GCM2: variants seen among roughly 807,000 people sequenced by gnomAD.
The protein encoded by GCM2 is GCM transcription factor 2.
Under a neutral mutation model 24.8 loss-of-function variants are expected in GCM2, and 21 were observed. The ratio of observed to expected loss-of-function variants is 0.85; its 90% CI spans 0.60 to 1.22. GCM2 has a LOEUF of 1.22. Among genes scored for constraint, GCM2 ranks in the 50% most tolerant of loss-of-function variants. The probability of loss-of-function intolerance (pLI) is 0.00; values close to 1 mark genes in which losing one functional copy is unlikely to be tolerated. For synonymous variants in GCM2, 222 were observed against 238.0 expected, an observed-to-expected ratio of 0.93 and a Z score of 0.62; for missense variants, 532 against 645.6, an observed-to-expected ratio of 0.82 and a Z score of 1.91.
rs1441979420 is a variant in GCM2, at chr6:10,876,090, A to G, written c.457-74T>C. On this transcript the variant is annotated intron_variant, in intron 3 of 4. Transcript: ENST00000379491. ...TGACAATGTTGCCCAAAAATTGATC[A>G]TGCCTTTCCCAACATCTCAAGAGTT... The G allele has an allele frequency of 4.1e-6, 6 of 1,466,216 alleles. No individual in the cohort carries two copies. In the Admixed American group the frequency reaches 1.0e-4, roughly 25 times the overall value. The allele number at this position is 1,466,216 out of a possible 1,614,324, so 90.8% of individuals were successfully genotyped here. A position where few individuals can be genotyped will look rare whatever the true frequency, so the allele number is the denominator to read the frequency against.
chr6:10,875,859 G>A, intron 4 of GCM2, 32 bp downstream of exon 4: 2 of 1,610,736 alleles, frequency 1.2e-6, no homozygotes, highest in South Asian at 1.1e-5. Flanking sequence ...AAAATGAGCT[G>A]AGACCACTGT....
At chr6:10,876,702 G>A (rs1353351089) in intron 2 of GCM2, 145 bp from the exon 3 acceptor site, 1 of 686,834 alleles carries the variant, frequency 1.5e-6, no homozygotes, top group Non-Finnish European at 2.6e-6. Context: ...GGCCGAGGCG[G>A]GTGGATCACT....
intron 1 of GCM2, among the ~76,000 whole-genome samples, chr6:10,879,401 T>A (rs991023497): frequency 6.6e-6 from 1 of 152,152 alleles, no homozygotes; most frequent in African/African-American, 2.4e-5. Flanking sequence ...ATTGTATTTT[T>A]AAAATCAGTA....
At position 10,882,019 on chromosome 6, in the gene GCM2, T is replaced by G. The variant is rs2113257858; in HGVS notation, c.-226A>C. 1 of 558,454 alleles carries G rather than the reference T, an allele frequency of 1.8e-6. No homozygotes were observed. The highest frequency in any genetic ancestry group is 3.2e-6 in the Non-Finnish European group (1 of 311,416). The allele number at this position is 558,454 out of a possible 1,614,324, so 34.6% of individuals were successfully genotyped here. ...TTGTCCTTGGCCGCGGTGCTGAACG[T>G]TCTCCACCCGAACGGCAGCATCGAC... is the stretch of plus-strand genomic sequence containing the variant. On this transcript the variant is annotated 5_prime_UTR_variant, in exon 1 of 5. Coordinates refer to ENST00000379491, the MANE Select transcript of GCM2 (RefSeq NM_004752.4).
chr6:10,874,622 GA>G lies in GCM2; in HGVS notation c.893del (p.Ile298ThrfsTer10), dbSNP rs886037646. The G allele has an allele frequency of 2.5e-6, 4 of 1,614,128 alleles. No homozygotes were observed. In the South Asian group the frequency reaches 4.4e-5, roughly 18 times the overall value. On this transcript the variant is annotated frameshift_variant, in exon 5 of 5. Coordinates refer to ENST00000379491, the MANE Select transcript of GCM2 (RefSeq NM_004752.4). LOFTEE classifies it low-confidence loss of function (END_TRUNC). ...YPTLYKDSTS[I>X]PNDTDWVHLN... is the part of the protein sequence containing the mutation. ...GATGAACCCAGTCTGTGTCATTAGG[GA>G]TACTGGTGGAATCCTTATAAAGGGT...
chr6:10,880,434 G>A (rs1207011816), intron 1 of GCM2, among the ~76,000 whole-genome samples: 6 of 152,020 alleles, frequency 3.9e-5, no homozygotes, highest in African/African-American at 1.2e-4. Context: ...TTTTAGTTGC[G>A]GACAAAATGA....
rs1581804451 is a variant in GCM2, at chr6:10,874,048, T to C, written c.1468A>G (p.Ser490Gly). The C allele has an allele frequency of 1.2e-6, 2 of 1,614,226 alleles. No individual in the cohort carries two copies. The highest frequency in any genetic ancestry group is 1.7e-6 in the Non-Finnish European group (2 of 1,180,048). Residue 490 changes from serine (S) to glycine (G), a missense_variant, in exon 5 of 5, where the codon AGT becomes GGT. Physicochemically the swap from Ser to Gly is moderately conservative, Grantham distance 56. This residue lies in a region of GCM2 where 434 missense variants were observed against 521.9 expected (regional missense o/e 0.83). Coordinates refer to ENST00000379491, the MANE Select transcript of GCM2 (RefSeq NM_004752.4). ...AAGGGACCCACTCTGTCTGAGTAAC[T>C]GACTGCGGAGCCCAGCCCAGACAGA... ...VCLSGLGSAV[S>G]YSDRVGPFFT...
At position 10,877,154 on chromosome 6, in the gene GCM2, C is replaced by T. The variant is rs1779894463; in HGVS notation, c.329G>A (p.Arg110Gln). ...QLRPAICDKA[R>Q]LKQQKKACPN... ...CATGTCCTCACTCTGCTGTTTCAGC[C>T]GTGCCTTGTCGCAGATGGCCGGCCT... is the stretch of plus-strand genomic sequence containing the variant. Residue 110 changes from arginine (R) to glutamine (Q), a missense_variant, in exon 2 of 5, where the codon CGG (arginine) becomes CAG (glutamine). Arg to Gln is a conservative substitution (Grantham distance 43). Transcript: ENST00000379491. 1.9e-6 allele frequency: 3 copies of T among 1,612,362 alleles called. No homozygotes were observed. Among genetic ancestry groups the T allele is most frequent in the African/African-American group, 2.7e-5 (2 of 74,928 alleles).
chr6:10,876,072 G>C, intron 3 of GCM2, 56 bp from the exon 4 acceptor site: 3 of 1,596,864 alleles, frequency 1.9e-6, no homozygotes, highest in Non-Finnish European at 2.6e-6. Flanking sequence ...AGCTGACAAT[G>C]TTGCCCAAAA....
intron 3 of GCM2, among the ~76,000 whole-genome samples, 194 bp downstream of exon 3, chr6:10,876,251 G>A (rs938967077): frequency 1.1e-4 from 17 of 152,182 alleles, no homozygotes; most frequent in African/African-American, 3.9e-4. Flanking sequence ...TACCATCTGT[G>A]TACCTTAAAG....
Position 10,874,104 on chromosome 6 carries a change from C to T in GCM2, c.1412G>A (p.Arg471Lys), listed in dbSNP as rs1779840566. The change falls in exon 5 of 5, where the codon AGG becomes AAG. Residue 471 changes from arginine to lysine, a missense_variant. Physicochemically the swap from Arg to Lys is conservative, Grantham distance 26. Transcript: ENST00000379491. ...VAIPHEPVSS[R>K]TDEAETWDVC... Reference sequence around the variant, plus strand: ...ATCCCAAGTCTCTGCTTCATCTGTCCTAGAGGAAACTGGCTCGTGGGGAAT... The same window carrying T: ...ATCCCAAGTCTCTGCTTCATCTGTCTTAGAGGAAACTGGCTCGTGGGGAAT... The T allele has an allele frequency of 3.1e-6, 5 of 1,614,202 alleles. No homozygotes were observed. The highest frequency in any genetic ancestry group is 4.2e-6 in the Non-Finnish European group (5 of 1,180,034).
In GCM2 at chr6:10,873,755, C is replaced by T. The variant is rs111930987; in HGVS notation, c.*240G>A. The stretch of plus-strand genomic sequence containing the variant: ...TTTGCTTATTTGTTCATTTGAGAGA[C>T]TCACACTTTCCTCACTACTTCTATG... On this transcript the variant is annotated 3_prime_UTR_variant, in exon 5 of 5. Coordinates refer to ENST00000379491, the MANE Select transcript of GCM2 (RefSeq NM_004752.4). 178 of 557,508 alleles carry T rather than the reference C, an allele frequency of 3.2e-4. 2 individuals are homozygous for T. Among genetic ancestry groups the T allele is most frequent in the African/African-American group, 2.8e-3 (148 of 53,244 alleles). The allele number at this position is 557,508 out of a possible 1,614,324, so 34.5% of individuals were successfully genotyped here.
chr6:10,876,668 G>A (rs1334720298), intron 2 of GCM2, 111 bp from the exon 3 acceptor site: 13 of 769,506 alleles, frequency 1.7e-5, no homozygotes, highest in Middle Eastern at 3.2e-4. Context: ...GGTGGCTCAC[G>A]CCTGTAATCC....
chr6:10,880,530 C>A (rs1472920156), intron 1 of GCM2, among the ~76,000 whole-genome samples: 1 of 152,066 alleles, frequency 6.6e-6, no homozygotes, highest in Admixed American at 6.6e-5. Flanking sequence ...CTACACCCCC[C>A]ACCCCCTACA....
At position 10,881,917 on chromosome 6, in the gene GCM2, GC is replaced by G; in HGVS notation, c.-125del. 1 of 750,740 alleles carries G rather than the reference GC, an allele frequency of 1.3e-6. No homozygotes were observed. Among genetic ancestry groups the G allele is most frequent in the Non-Finnish European group, 2.3e-6 (1 of 432,026 alleles). 46.5% of individuals were successfully genotyped at this position (750,740 alleles called of 1,614,324 possible). On this transcript the variant is annotated 5_prime_UTR_variant, in exon 1 of 5. Transcript: ENST00000379491. Reference sequence around the variant, plus strand: ...AAAGTGGGGTGTGTGAAGGGGAGGTGCAGAGAGAGAGAAAGAGAGAGAGGCT... The same window carrying G: ...AAAGTGGGGTGTGTGAAGGGGAGGTGAGAGAGAGAGAAAGAGAGAGAGGCT...
In GCM2 at chr6:10,881,754, A is replaced by C. The variant is rs555304152; in HGVS notation, c.40T>G (p.Ser14Ala). 8.1e-6 allele frequency: 13 copies of C among 1,610,840 alleles called. No individual in the cohort carries two copies. Among genetic ancestry groups the C allele is most frequent in the African/African-American group, 5.3e-5 (4 of 74,982 alleles). ...AAVQEAVGVCSYGMQLSWDIN... is the reference protein window; with the variant it reads ...AAVQEAVGVCAYGMQLSWDIN... ...TCCCAGCTGAGCTGCATCCCGTAGG[A>C]GCACACGCCGACCGCTTCCTGCACC... Residue 14 changes from serine to alanine, a missense_variant, in exon 1 of 5, where the codon TCC becomes GCC. Around this residue, in one of 3 missense-constraint regions of GCM2, gnomAD observed 96 missense variants for 103.5 expected, o/e 0.93. Coordinates refer to ENST00000379491, the MANE Select transcript of GCM2 (RefSeq NM_004752.4).
In GCM2 at chr6:10,875,935, C is replaced by G. The variant is rs764350738; in HGVS notation, c.538G>C (p.Ala180Pro). ...ARRSAIKRQM[A>P]SFYQPQKKRI... ...TTTTTCTGGGGTTGGTAGAAAGAGG[C>G]CATTTGTCTCTTGATGGCGCTTCTT... is the stretch of plus-strand genomic sequence containing the variant. Residue 180 changes from alanine to proline, a missense_variant, in exon 4 of 5, where the codon GCC becomes CCC. Ala to Pro is a conservative substitution (Grantham distance 27). Coordinates refer to ENST00000379491, the MANE Select transcript of GCM2 (RefSeq NM_004752.4). 2 of 1,613,680 alleles carry G rather than the reference C, an allele frequency of 1.2e-6. No homozygotes were observed. The highest frequency in any genetic ancestry group is 2.7e-5 in the African/African-American group (2 of 74,892).
chr6:10,881,930 AAG>A lies in GCM2; in HGVS notation c.-139_-138del, dbSNP rs912635989. The A allele has an allele frequency of 2.2e-5, 16 of 721,124 alleles. No homozygotes were observed. In the African/African-American group the frequency reaches 2.8e-4, roughly 13 times the overall value. The allele number at this position is 721,124 out of a possible 1,614,324, so 44.7% of individuals were successfully genotyped here. ...TGAAGGGGAGGTGCAGAGAGAGAGAAAGAGAGAGAGGCTGTTTAGATATCTGG... is the reference window on the plus strand; with the variant it reads ...TGAAGGGGAGGTGCAGAGAGAGAGAAAGAGAGAGGCTGTTTAGATATCTGG... On this transcript the variant is annotated 5_prime_UTR_variant, in exon 1 of 5. The change creates a premature stop within an existing upstream ORF in the 5' untranslated region. Transcript: ENST00000379491.
At chr6:10,876,114 T>A in intron 3 of GCM2, 98 bp from the exon 4 acceptor site, 1 of 1,245,654 alleles carries the variant, frequency 8.0e-7, no homozygotes, top group East Asian at 2.3e-5. Context: ...ATCTCAAGAG[T>A]TTAGTTTTGT....
Sources: allele counts gnomAD v4.1 joint callset (sites outside exome capture counted in the v4.1 genomes callset), GRCh38; gene constraint gnomAD v4.1.1; regional missense constraint gnomAD v4.1.1; transcripts MANE v1.5; gene names NCBI Gene and HGNC (gene_info 2026-07-23, HGNC 2026-07-21).